IQCM: variants seen among roughly 807,000 people sequenced by gnomAD.
The protein encoded by IQCM is IQ domain-containing protein M.
IQCM carries 45 observed loss-of-function variants against 57.6 expected under a neutral mutation model. The ratio of observed to expected loss-of-function variants is 0.78; its 90% CI spans 0.62 to 1.00. The LOEUF is 1.00. Among genes scored for constraint, IQCM ranks in the 50% least tolerant of loss-of-function variants. The pLI, the probability that IQCM is intolerant of heterozygous loss-of-function variation, is 0.00. For missense variants in IQCM, 468 were observed against 511.6 expected, an observed-to-expected ratio of 0.91 and a Z score of 0.82; for synonymous variants, 148 against 158.9, an observed-to-expected ratio of 0.93 and a Z score of 0.51.
chr4:149,655,286 G>A (rs1016905555), intron 7 of IQCM, among the ~76,000 whole-genome samples: 14 of 152,064 alleles, frequency 9.2e-5, no homozygotes, highest in Admixed American at 5.2e-4. Context: ...AGTACACAAT[G>A]AGCAGGAGAT....
chr4:149,489,914 A>G (rs1741913165), intron 12 of IQCM, among the ~76,000 whole-genome samples: 1 of 151,986 alleles, frequency 6.6e-6, no homozygotes, highest in Non-Finnish European at 1.5e-5. Flanking sequence ...AATACAAGCT[A>G]TACATAAAAA....
intron 13 of IQCM, among the ~76,000 whole-genome samples, chr4:149,353,424 T>G (rs944674761): frequency 6.6e-6 from 1 of 152,166 alleles, no homozygotes; most frequent in Non-Finnish European, 1.5e-5. Context: ...CAGCAATCCC[T>G]CTTCTGGGCA....
chr4:149,735,103 T>TA (rs1766813154), intron 4 of IQCM, among the ~76,000 whole-genome samples: 1 of 152,196 alleles, frequency 6.6e-6, no homozygotes, highest in Admixed American at 6.5e-5. Context: ...TCCAATTATT[T>TA]ATGTTAAAAT....
chr4:149,530,089 C>A (rs1030872478), intron 12 of IQCM, among the ~76,000 whole-genome samples: 4 of 152,062 alleles, frequency 2.6e-5, no homozygotes, highest in African/African-American at 9.7e-5. Flanking sequence ...TCCTTATGGT[C>A]CCTGCTCAAA....
intron 12 of IQCM, among the ~76,000 whole-genome samples, chr4:149,484,322 G>C (rs145485094): frequency 1.1e-3 from 163 of 151,918 alleles, no homozygotes; most frequent in Non-Finnish European, 1.8e-3. Flanking sequence ...TTGATAAGTA[G>C]GGACTTATTC....
At chr4:149,624,647 C>T (rs904322945) in intron 7 of IQCM, among the ~76,000 whole-genome samples, 4 of 152,152 alleles carry the variant, frequency 2.6e-5, no homozygotes, top group African/African-American at 9.7e-5. Context: ...ATCCCCACAT[C>T]TATAATTTTT....
intron 9 of IQCM, among the ~76,000 whole-genome samples, chr4:149,585,608 G>C (rs994993029): frequency 6.6e-6 from 1 of 151,380 alleles, no homozygotes. Context: ...TTCTATGCCA[G>C]TAATATTTTT....
At chr4:149,614,594 C>G (rs958775408) in intron 8 of IQCM, among the ~76,000 whole-genome samples, 1 of 152,174 alleles carries the variant, frequency 6.6e-6, no homozygotes, top group Admixed American at 6.5e-5. Context: ...CACAGACATT[C>G]CCTTGCTTGT....
intron 13 of IQCM, among the ~76,000 whole-genome samples, chr4:149,431,619 TC>T (rs1018557830): frequency 1.7e-4 from 26 of 152,122 alleles, no homozygotes; most frequent in African/African-American, 6.0e-4. Context: ...AAGAACTCCC[TC>T]ATGCTGCCTC....
intron 9 of IQCM, among the ~76,000 whole-genome samples, chr4:149,567,504 A>C (rs1027346749): frequency 6.6e-6 from 1 of 151,814 alleles, no homozygotes; most frequent in Non-Finnish European, 1.5e-5. Context: ...GTGCCACCAC[A>C]CACAGCTAAT....
chr4:149,429,247 C>A (rs1364355799), intron 13 of IQCM, among the ~76,000 whole-genome samples: 4 of 151,816 alleles, frequency 2.6e-5, no homozygotes. Context: ...ACAGACAGTG[C>A]ATAAGGAAAG....
chr4:149,769,960 A>G (rs1250317162), intron 2 of IQCM, among the ~76,000 whole-genome samples: 1 of 152,060 alleles, frequency 6.6e-6, no homozygotes, highest in Non-Finnish European at 1.5e-5. Context: ...AAAGAATAGC[A>G]AATTAAACCT....
intron 13 of IQCM, among the ~76,000 whole-genome samples, chr4:149,428,050 T>C (rs1382780194): frequency 6.6e-6 from 1 of 151,896 alleles, no homozygotes. Flanking sequence ...CTCGAGCAGA[T>C]ATAAATGATA....
intron 9 of IQCM, among the ~76,000 whole-genome samples, chr4:149,576,114 T>G (rs941997683): frequency 2.6e-5 from 4 of 151,710 alleles, no homozygotes; most frequent in Non-Finnish European, 5.9e-5. Flanking sequence ...AAAAATACTG[T>G]TTTTATTCCA....
At chr4:149,570,741 T>C (rs750459295) in intron 9 of IQCM, among the ~76,000 whole-genome samples, 8 of 152,106 alleles carry the variant, frequency 5.3e-5, no homozygotes, top group Middle Eastern at 3.2e-3. Context: ...ATCCATGTTT[T>C]AATCCATTCC....
chr4:149,615,267 C>T lies in IQCM; in HGVS notation c.681+5862G>A, dbSNP rs551402833. 1.2e-3 allele frequency among the ~76,000 whole-genome samples: 178 copies of T among 152,204 alleles called. 1 individual carries two copies. In the Middle Eastern group the frequency reaches 0.014, roughly 12 times the overall value. ...CCTCAAGAAAGTTGGAGATGGTGAT[C>T]TTTCCTATCAGACTGCAATGTAATA... On this transcript the variant is annotated intron_variant, in intron 8 of 13. Transcript: ENST00000636793.
intron 12 of IQCM, among the ~76,000 whole-genome samples, chr4:149,546,160 T>C (rs1748395693): frequency 6.6e-6 from 1 of 152,232 alleles, no homozygotes; most frequent in Non-Finnish European, 1.5e-5. Context: ...ATCTTTTTTA[T>C]GGCTGCATAG....
At chr4:149,577,175 G>C (rs573373532) in intron 9 of IQCM, among the ~76,000 whole-genome samples, 2 of 151,964 alleles carry the variant, frequency 1.3e-5, no homozygotes, top group South Asian at 2.1e-4. Flanking sequence ...CTCCCATTCT[G>C]TGGGTTGTCT....
chr4:149,712,714 C>T (rs1764664821), intron 5 of IQCM, among the ~76,000 whole-genome samples: 1 of 152,132 alleles, frequency 6.6e-6, no homozygotes. Context: ...TTCAGGAGTA[C>T]TTAATACCTC....
Sources: gnomAD v4.1 joint callset for allele counts (sites outside exome capture counted in the v4.1 genomes callset) on GRCh38, gnomAD v4.1.1 for gene constraint, MANE v1.5 for transcripts, NCBI Gene and HGNC (gene_info 2026-07-23, HGNC 2026-07-21) for gene names.